PGAP1: variants seen among roughly 807,000 people sequenced by gnomAD.
The protein encoded by PGAP1 is post-GPI attachment to proteins inositol deacylase 1, also known as GPI inositol-deacylase.
PGAP1 carries 76 observed loss-of-function variants against 127.0 expected under a neutral mutation model. That is an observed-to-expected ratio of 0.60 (90% CI 0.50 to 0.72). The LOEUF is 0.72. PGAP1 is among the 30% of genes least tolerant of loss of function. PGAP1 has a pLI of 0.00. For missense variants in PGAP1, 982 were observed against 1,071.3 expected (o/e 0.92, Z 1.16); for synonymous variants, 362 against 366.5 (o/e 0.99, Z 0.14).
intron 23 of PGAP1, 50 bp downstream of exon 23, chr2:196,845,832 A>T: frequency 6.7e-7 from 1 of 1,501,676 alleles, no homozygotes; most frequent in Non-Finnish European, 9.0e-7. Context: ...TCCTACATGT[A>T]TGTGCCTAAT....
At chr2:196,900,980 TAGGGAAGTACACACAC>T (rs1274223458) in intron 5 of PGAP1, among the ~76,000 whole-genome samples, 2 of 150,976 alleles carry the variant, frequency 1.3e-5, no homozygotes, top group African/African-American at 4.9e-5. Context: ...TTAGAAAAAA[TAGGGAAGTACACACAC>T]ACCCATGCCT....
chr2:196,900,874 C>T (rs985142024), intron 5 of PGAP1, among the ~76,000 whole-genome samples: 3 of 151,934 alleles, frequency 2.0e-5, no homozygotes, highest in African/African-American at 4.8e-5. Context: ...TTGCAGTGAG[C>T]GGAGATCGCG....
rs1700300844 is a variant in PGAP1, at chr2:196,838,601, A to G, written c.*2633T>C. 1 of 152,208 alleles carries G rather than the reference A, an allele frequency of 6.6e-6. No individual in the cohort carries two copies. Among genetic ancestry groups the G allele is most frequent in the African/African-American group, 2.4e-5 (1 of 41,456 alleles). The allele number at this position is 152,208 out of a possible 1,614,324, so 9.4% of individuals were successfully genotyped here. ...ATAATGGCTAAAGACCCAACCTACT[A>G]TTGATTATAAAATGTTTAATTAGAA... On this transcript the variant is annotated 3_prime_UTR_variant, in exon 27 of 27. Coordinates refer to ENST00000354764, the MANE Select transcript of PGAP1 (RefSeq NM_024989.4).
intron 4 of PGAP1, among the ~76,000 whole-genome samples, chr2:196,904,294 T>C (rs1479724137): frequency 6.6e-6 from 1 of 152,202 alleles, no homozygotes; most frequent in Non-Finnish European, 1.5e-5. Context: ...GGGCCTCATG[T>C]GCACATGCAA....
Position 196,903,514 on chromosome 2 carries a change from T to C in PGAP1, c.650-772A>G, listed in dbSNP as rs1454536344. 4.2e-5 allele frequency among the ~76,000 whole-genome samples: 6 copies of C among 142,356 alleles called. No individual in the cohort carries two copies. In the East Asian group the frequency reaches 6.1e-4, roughly 15 times the overall value. 93.4% of individuals were successfully genotyped at this position (142,356 alleles called of 152,430 possible). A position where few individuals can be genotyped will look rare whatever the true frequency, so the allele number is the denominator to read the frequency against. Reference sequence around the variant, plus strand: ...AGGCAGAGGTTGCAGTGAGCCGAGATTGTGCTACTGCACTCCAGCCTGGGC... The same window carrying C: ...AGGCAGAGGTTGCAGTGAGCCGAGACTGTGCTACTGCACTCCAGCCTGGGC... On this transcript the variant is annotated intron_variant, in intron 4 of 26. Transcript: ENST00000354764.
chr2:196,894,317 C>T (rs756775021), intron 7 of PGAP1, among the ~76,000 whole-genome samples: 7 of 152,070 alleles, frequency 4.6e-5, no homozygotes, highest in Admixed American at 2.6e-4. Context: ...TGTTGATGTC[C>T]CCCTCAAAAT....
chr2:196,855,325 CAAAAA>C (rs112534782), intron 20 of PGAP1, among the ~76,000 whole-genome samples: 4 of 67,148 alleles, frequency 6.0e-5, no homozygotes, highest in Non-Finnish European at 9.0e-5. Flanking sequence ...ACTCTGTCAC[CAAAAA>C]AAAAAAAAAA....
chr2:196,913,038 G>A lies in PGAP1; in HGVS notation c.493C>T (p.Pro165Ser). 4 of 1,606,908 alleles carry A rather than the reference G, an allele frequency of 2.5e-6. No individual in the cohort carries two copies. The highest frequency in any genetic ancestry group is 1.7e-6 in the Non-Finnish European group (2 of 1,176,670). The change falls in exon 4 of 27, where the codon CCA becomes TCA. Residue 165 changes from proline to serine, a missense_variant. By Grantham distance (74) the Pro-to-Ser change is moderately conservative. Transcript: ENST00000354764. The stretch of plus-strand genomic sequence containing the variant: ...TGACCAATTATTGCCACACTTTTTG[G>A]AGCAAATTCTTGACCCTATTAAAAT... ...LKLYKGQEFA[P>S]KSVAIIGHSM... is the part of the protein sequence containing the mutation.
intron 22 of PGAP1, 38 bp from the exon 23 acceptor site, chr2:196,846,055 C>T: frequency 7.8e-7 from 1 of 1,280,330 alleles, no homozygotes; most frequent in Non-Finnish European, 1.1e-6. Context: ...TATATATTAA[C>T]AAATATTTAT....
intron 18 of PGAP1, among the ~76,000 whole-genome samples, chr2:196,871,187 C>T (rs187841085): frequency 2.8e-3 from 426 of 152,184 alleles, no homozygotes; most frequent in Admixed American, 4.1e-3. Context: ...TATACTTTCC[C>T]ACATATCTAA....
chr2:196,920,935 A>G (rs973701051), intron 1 of PGAP1, among the ~76,000 whole-genome samples: 1 of 152,082 alleles, frequency 6.6e-6, no homozygotes, highest in African/African-American at 2.4e-5. Flanking sequence ...TTATCTCTTA[A>G]TGTCATCCTC....
intron 17 of PGAP1, 126 bp downstream of exon 17, chr2:196,872,834 C>T: frequency 3.4e-6 from 2 of 589,500 alleles, no homozygotes. Flanking sequence ...AGGAACAATG[C>T]TACATAAAGG....
rs1382715986 is a variant in PGAP1 at position 196,836,254 on chromosome 2, C to T, written c.*4980G>A. The T allele has an allele frequency of 1.3e-5, 2 of 152,454 alleles. No homozygotes were observed. Among genetic ancestry groups the T allele is most frequent in the Non-Finnish European group, 2.9e-5 (2 of 67,934 alleles). The allele number at this position is 152,454 out of a possible 1,614,324, so 9.4% of individuals were successfully genotyped here. A position where few individuals can be genotyped will look rare whatever the true frequency, so the allele number is the denominator to read the frequency against. On this transcript the variant is annotated 3_prime_UTR_variant, in exon 27 of 27. Transcript: ENST00000354764. ...AGATTGTTTTTGGCAGCATAACATG[C>T]CAAACACTTTCAGAAAGTCCTGTAC...
At chr2:196,904,534 G>A (rs954078662) in intron 4 of PGAP1, among the ~76,000 whole-genome samples, 6 of 152,096 alleles carry the variant, frequency 3.9e-5, no homozygotes, top group South Asian at 2.1e-4. Flanking sequence ...TCAAGAGATC[G>A]AGACCATCCT....
chr2:196,924,156 A>C (rs1462692745), intron 1 of PGAP1, among the ~76,000 whole-genome samples: 8 of 152,212 alleles, frequency 5.3e-5, no homozygotes, highest in African/African-American at 7.2e-5. Flanking sequence ...TTTATGCCCC[A>C]TCTTTTAAAA....
intron 19 of PGAP1, among the ~76,000 whole-genome samples, chr2:196,865,483 T>C (rs1701210383): frequency 1.3e-5 from 2 of 152,116 alleles, no homozygotes; most frequent in African/African-American, 2.4e-5. Flanking sequence ...CCCAACTAAC[T>C]TGTATAATTT....
At chr2:196,897,220 C>G in intron 6 of PGAP1, 23 bp from the exon 7 acceptor site, 1 of 1,436,548 alleles carries the variant, frequency 7.0e-7, no homozygotes, top group Non-Finnish European at 9.5e-7. Context: ...GTAAGTGTTA[C>G]AAATAAAACT....
intron 9 of PGAP1, among the ~76,000 whole-genome samples, 161 bp from the exon 10 acceptor site, chr2:196,891,072 G>C (rs1388368212): frequency 6.6e-6 from 1 of 152,156 alleles, no homozygotes; most frequent in Non-Finnish European, 1.5e-5. Context: ...ATACAGAAGG[G>C]CAAGAGAAAG....
intron 12 of PGAP1, among the ~76,000 whole-genome samples, chr2:196,882,401 T>G (rs1701762612): frequency 6.6e-6 from 1 of 152,190 alleles, no homozygotes; most frequent in Admixed American, 6.5e-5. Context: ...TCCATAGTAG[T>G]TTAATAGAAA....
Sources: gnomAD v4.1 joint callset for allele counts (sites outside exome capture counted in the v4.1 genomes callset) on GRCh38, gnomAD v4.1.1 for gene constraint, MANE v1.5 for transcripts, NCBI Gene and HGNC (gene_info 2026-07-23, HGNC 2026-07-21) for gene names.